The following SAMSN1 variants were observed in gnomAD, a reference collection of about 807,000 sequenced individuals.
The protein encoded by SAMSN1 is SAM domain, SH3 domain and nuclear localization signals 1, also known as SAM domain-containing protein SAMSN-1.
SAMSN1 carries 31 observed loss-of-function variants against 42.0 expected under a neutral mutation model. That is an observed-to-expected ratio of 0.74 (90% confidence interval 0.55 to 1.00). SAMSN1 has a LOEUF of 1.00. SAMSN1 is among the 50% of genes least tolerant of loss of function. The pLI, the probability that SAMSN1 is intolerant of heterozygous loss-of-function variation, is 0.00. For synonymous variants in SAMSN1, 178 were observed against 151.9 expected, an observed-to-expected ratio of 1.17 and a Z score of -1.26; for missense variants, 464 against 439.4, an observed-to-expected ratio of 1.06 and a Z score of -0.50.
At chr21:14,537,268 C>T (rs1415881272) in intron 1 of SAMSN1, among the ~76,000 whole-genome samples, 1 of 152,182 alleles carries the variant, frequency 6.6e-6, no homozygotes, top group East Asian at 1.9e-4. Flanking sequence ...GTTTCCTTCA[C>T]CAATCCCAAG....
At chr21:14,587,741 C>A (rs1981961208), upstream of SAMSN1, among the ~76,000 whole-genome samples, 1 of 148,112 alleles carries the variant, frequency 6.8e-6, no homozygotes, top group African/African-American at 2.5e-5. Flanking sequence ...TTTTATCCAT[C>A]ACCTTATTTA....
chr21:14,493,810 C>A (rs566623650), intron 7 of SAMSN1, among the ~76,000 whole-genome samples: 1 of 152,098 alleles, frequency 6.6e-6, no homozygotes, highest in African/African-American at 2.4e-5. Context: ...TTGAGGGAAC[C>A]GATGACCTAA....
At chr21:14,530,055 G>A (rs555392212) in intron 1 of SAMSN1, among the ~76,000 whole-genome samples, 21 of 152,134 alleles carry the variant, frequency 1.4e-4, no homozygotes, top group Non-Finnish European at 4.4e-5. Context: ...AGTGGCTCAC[G>A]CCTGCAATCC....
rs901493758 is a variant in SAMSN1 at position 14,593,943 on chromosome 21, G to A, written c.465+70C>T. The A allele has an allele frequency of 8.5e-6, 6 of 706,782 alleles. No homozygotes were observed. In the Admixed American group the frequency reaches 1.2e-4, roughly 15 times the overall value. 43.8% of individuals were successfully genotyped at this position (706,782 alleles called of 1,614,324 possible). On this transcript the variant is annotated intron_variant, in intron 7 of 15. Transcript: ENST00000647101. Reference sequence around the variant, plus strand: ...AAGAACTATAGAAAACAGTGCTTGTGGCATTAAAATGAGTGGAAAAGAGAT... The same window carrying A: ...AAGAACTATAGAAAACAGTGCTTGTAGCATTAAAATGAGTGGAAAAGAGAT...
At chr21:14,572,531 C>T (rs535485480) in intron 2 of SAMSN1, among the ~76,000 whole-genome samples, 10 of 152,182 alleles carry the variant, frequency 6.6e-5, no homozygotes, top group Admixed American at 1.3e-4. Context: ...TTATGTTCAG[C>T]ATCAGCTCTG....
chr21:14,620,243 C>T (rs1982966288), intron 2 of SAMSN1, among the ~76,000 whole-genome samples: 2 of 152,070 alleles, frequency 1.3e-5, no homozygotes, highest in South Asian at 4.1e-4. Flanking sequence ...GAATTGTAAT[C>T]CCTAGGTGTT....
At chr21:14,542,627 T>G (rs1980116396) in intron 1 of SAMSN1, among the ~76,000 whole-genome samples, 1 of 152,198 alleles carries the variant, frequency 6.6e-6, no homozygotes, top group Non-Finnish European at 1.5e-5. Flanking sequence ...CTATCAGTAA[T>G]GGACACTAGT....
At chr21:14,637,512 T>G (rs1983496782) in intron 2 of SAMSN1, among the ~76,000 whole-genome samples, 1 of 152,206 alleles carries the variant, frequency 6.6e-6, no homozygotes, top group South Asian at 2.1e-4. Flanking sequence ...ACTGCTGTAA[T>G]TGTCTTTTAG....
intron 1 of SAMSN1, among the ~76,000 whole-genome samples, chr21:14,656,028 C>A (rs559129344): frequency 2.0e-5 from 3 of 151,742 alleles, no homozygotes; most frequent in East Asian, 3.9e-4. Context: ...AGCAAGATAT[C>A]ATAGAGAAAA....
chr21:14,605,809 TTTA>T (rs1274609142), intron 5 of SAMSN1, among the ~76,000 whole-genome samples: 2 of 125,584 alleles, frequency 1.6e-5, no homozygotes, highest in Non-Finnish European at 3.5e-5. Flanking sequence ...GTAAAGAAGA[TTTA>T]TTTATTTATT....
At chr21:14,550,616 C>T (rs906535165), upstream of SAMSN1, among the ~76,000 whole-genome samples, 5 of 152,120 alleles carry the variant, frequency 3.3e-5, no homozygotes, top group Non-Finnish European at 5.9e-5. Context: ...CCTTATAAGA[C>T]CCTGCCTGAG....
intron 1 of SAMSN1, among the ~76,000 whole-genome samples, chr21:14,534,161 T>C (rs1048843277): frequency 6.6e-6 from 1 of 152,206 alleles, no homozygotes; most frequent in East Asian, 1.9e-4. Flanking sequence ...TCTTCTGGAG[T>C]AGACTACTTC....
Position 14,485,702 on chromosome 21 carries a change from T to C in SAMSN1, c.*210A>G, listed in dbSNP as rs1986403308. On this transcript the variant is annotated 3_prime_UTR_variant, in exon 8 of 8. Transcript: ENST00000400566. ...TACAAGCAAGTGAAATATTAACACA[T>C]AGCATTTAAAATAATAAATATATAT... 5 of 432,632 alleles carry C rather than the reference T, an allele frequency of 1.2e-5. No individual in the cohort carries two copies. The Admixed American group carries it at 1.9e-4, about 16-fold the overall frequency. 26.8% of individuals were successfully genotyped at this position (432,632 alleles called of 1,614,324 possible).
At chr21:14,612,541 C>T (rs920168939) in intron 4 of SAMSN1, 22 of 443,700 alleles carry the variant, frequency 5.0e-5, no homozygotes, top group African/African-American at 4.1e-4. Flanking sequence ...CCTAGATTCA[C>T]AGATCTAAAA....
intron 5 of SAMSN1, among the ~76,000 whole-genome samples, chr21:14,508,772 T>C (rs61244737): frequency 0.045 from 6,836 of 152,288 alleles, 468 homozygotes; most frequent in African/African-American, 0.15. Flanking sequence ...TGTGGCAGCA[T>C]GATTTGCAAT....
intron 2 of SAMSN1, chr21:14,582,015 T>C: frequency 1.1e-6 from 1 of 940,184 alleles, no homozygotes; most frequent in Non-Finnish European, 1.5e-6. Context: ...AGACAACTCT[T>C]GCTCTGGTAA....
chr21:14,642,466 G>A (rs913603309), intron 2 of SAMSN1, among the ~76,000 whole-genome samples: 5 of 152,184 alleles, frequency 3.3e-5, no homozygotes, highest in Non-Finnish European at 7.3e-5. Context: ...GTCAGAATCA[G>A]CACTTGAGAT....
intron 2 of SAMSN1, among the ~76,000 whole-genome samples, chr21:14,578,292 C>A (rs138801557): frequency 1.3e-5 from 2 of 152,026 alleles, no homozygotes; most frequent in Non-Finnish European, 2.9e-5. Flanking sequence ...CACACTCTGC[C>A]GGCAATGTCG....
chr21:14,510,594 C>T, intron 4 of SAMSN1, 133 bp from the exon 5 acceptor site: 1 of 985,704 alleles, frequency 1.0e-6, no homozygotes, highest in Non-Finnish European at 1.5e-6. Flanking sequence ...ATTGACCCAT[C>T]CTGGTGTCTG....
Sources: allele counts gnomAD v4.1 joint callset (sites outside exome capture counted in the v4.1 genomes callset), GRCh38; gene constraint gnomAD v4.1.1; transcripts MANE v1.5; gene names NCBI Gene and HGNC (gene_info 2026-07-23, HGNC 2026-07-21).